Variants in CABCOCO1 observed in about 807,000 individuals in gnomAD.
CABCOCO1 encodes ciliary-associated calcium-binding coiled-coil protein 1.
Under a neutral mutation model 35.7 loss-of-function variants are expected in CABCOCO1, and 28 were observed. The ratio of observed to expected loss-of-function variants is 0.78; its 90% CI spans 0.58 to 1.07. CABCOCO1 has a LOEUF of 1.07. Ranked by LOEUF, CABCOCO1 falls within the 50% of genes least tolerant of loss-of-function variation. The probability of loss-of-function intolerance (pLI) is 0.00; values close to 1 mark genes in which losing one functional copy is unlikely to be tolerated. For missense variants in CABCOCO1, 326 were observed against 309.2 expected (o/e 1.05, Z -0.41); for synonymous variants, 95 against 100.1 (o/e 0.95, Z 0.30).
At chr10:61,737,060 T>C (rs568845459) in intron 5 of CABCOCO1, among the ~76,000 whole-genome samples, 209 of 152,272 alleles carry the variant, frequency 1.4e-3, no homozygotes, top group Non-Finnish European at 8.2e-4. Flanking sequence ...CTATGGGGTT[T>C]TATAGATAGA....
chr10:61,766,268 T>C lies in CABCOCO1; in HGVS notation c.*255T>C, dbSNP rs1246255510. 2 of 256,586 alleles carry C rather than the reference T, an allele frequency of 7.8e-6. No individual in the cohort carries two copies. The highest frequency in any genetic ancestry group is 5.1e-5 in the Admixed American group (1 of 19,764). The allele number at this position is 256,586 out of a possible 1,614,324, so 15.9% of individuals were successfully genotyped here. ...ATACAAGAGTTTGAAAAATTATATA[T>C]AAAAATACAATTACTTTTATGATAG... is the stretch of plus-strand genomic sequence containing the variant. On this transcript the variant is annotated 3_prime_UTR_variant, in exon 8 of 8. Coordinates refer to ENST00000648843, the MANE Select transcript of CABCOCO1 (RefSeq NM_001366906.2).
intron 2 of CABCOCO1, 21 bp from the exon 3 acceptor site, chr10:61,681,122 G>C: frequency 7.3e-7 from 1 of 1,369,432 alleles, no homozygotes; most frequent in East Asian, 2.6e-5. Context: ...TTAATATGTG[G>C]ATTTTTGTTT....
intron 5 of CABCOCO1, among the ~76,000 whole-genome samples, chr10:61,707,442 T>C (rs1350139013): frequency 6.6e-6 from 1 of 152,168 alleles, no homozygotes; most frequent in Non-Finnish European, 1.5e-5. Flanking sequence ...AATAATGTAC[T>C]ATCTGTTTAG....
chr10:61,664,739 G>T (rs139525869), intron 1 of CABCOCO1, among the ~76,000 whole-genome samples: 2 of 152,320 alleles, frequency 1.3e-5, no homozygotes, highest in African/African-American at 4.8e-5. Context: ...CAGAGTTTCT[G>T]TAGTTCATGG....
intron 5 of CABCOCO1, among the ~76,000 whole-genome samples, chr10:61,744,225 G>A (rs1841609371): frequency 1.3e-5 from 2 of 152,146 alleles, no homozygotes; most frequent in African/African-American, 4.8e-5. Context: ...AAGAGGGCAG[G>A]AGGAATGTTA....
At position 61,724,911 on chromosome 10, in the gene CABCOCO1, T is replaced by C. The variant is rs545497184; in HGVS notation, c.552+34290T>C. 2.6e-5 allele frequency among the ~76,000 whole-genome samples: 4 copies of C among 152,268 alleles called. No homozygotes were observed. In the East Asian group the frequency reaches 5.8e-4, roughly 22 times the overall value. On this transcript the variant is annotated intron_variant, in intron 5 of 7. Transcript: ENST00000648843. ...CACCAACATGGCACATGTATACATA[T>C]GTAACAAACCTGCATGTTGTGCACA...
chr10:61,715,027 T>C (rs879813491), intron 5 of CABCOCO1, among the ~76,000 whole-genome samples: 1 of 152,198 alleles, frequency 6.6e-6, no homozygotes, highest in African/African-American at 2.4e-5. Flanking sequence ...GTTTATTAGG[T>C]CTGCTTGGTG....
At chr10:61,711,425 C>A (rs1454667013) in intron 5 of CABCOCO1, among the ~76,000 whole-genome samples, 2 of 151,832 alleles carry the variant, frequency 1.3e-5, no homozygotes, top group Non-Finnish European at 2.9e-5. Context: ...GGCACCAAAT[C>A]ATCAAGAGGA....
chr10:61,726,004 G>A (rs923618390), intron 5 of CABCOCO1, among the ~76,000 whole-genome samples: 3 of 152,168 alleles, frequency 2.0e-5, no homozygotes, highest in Admixed American at 6.5e-5. Flanking sequence ...CAGCAACTTT[G>A]TATGTGATCC....
At chr10:61,691,860 A>C (rs904078526) in intron 5 of CABCOCO1, among the ~76,000 whole-genome samples, 1 of 152,136 alleles carries the variant, frequency 6.6e-6, no homozygotes, top group African/African-American at 2.4e-5. Flanking sequence ...TCCATGGTGT[A>C]TATGTGCCAC....
intron 5 of CABCOCO1, among the ~76,000 whole-genome samples, chr10:61,698,804 G>A (rs1840362104): frequency 1.3e-5 from 2 of 151,936 alleles, no homozygotes; most frequent in African/African-American, 4.8e-5. Flanking sequence ...TAAAGTTATA[G>A]TGTCCTGAAT....
intron 5 of CABCOCO1, among the ~76,000 whole-genome samples, chr10:61,730,002 G>A (rs191209153): frequency 1.1e-4 from 16 of 152,082 alleles, no homozygotes; most frequent in African/African-American, 1.7e-4. Context: ...GATCTCCTGC[G>A]CAACATTGTA....
At chr10:61,694,850 G>C (rs138166996) in intron 5 of CABCOCO1, among the ~76,000 whole-genome samples, 1 of 152,138 alleles carries the variant, frequency 6.6e-6, no homozygotes, top group African/African-American at 2.4e-5. Context: ...TAGCATGTTG[G>C]GTCTGCACAA....
intron 5 of CABCOCO1, among the ~76,000 whole-genome samples, chr10:61,735,230 A>G (rs909126013): frequency 1.3e-5 from 2 of 152,094 alleles, no homozygotes; most frequent in African/African-American, 4.8e-5. Context: ...AAGTCAAAAG[A>G]GAATGTGTGG....
Position 61,686,187 on chromosome 10 carries a change from T to C in CABCOCO1, c.479+2T>C. On this transcript the variant is annotated splice_donor_variant, in intron 4 of 7. Coordinates refer to ENST00000648843, the MANE Select transcript of CABCOCO1 (RefSeq NM_001366906.2). LOFTEE classifies it high-confidence loss of function. ...TATCATTGATTACTTAAAAATCAGG[T>C]ATGGATTATTTTCAGTAACATTTAT... The C allele has an allele frequency of 6.4e-7, 1 of 1,553,878 alleles. No individual in the cohort carries two copies. Among genetic ancestry groups the C allele is most frequent in the Non-Finnish European group, 8.6e-7 (1 of 1,156,620 alleles).
At chr10:61,756,750 GA>G (rs1157798454) in intron 5 of CABCOCO1, among the ~76,000 whole-genome samples, 2 of 152,008 alleles carry the variant, frequency 1.3e-5, no homozygotes, top group Non-Finnish European at 2.9e-5. Context: ...TTCCTGATCT[GA>G]AGATTATGGG....
intron 2 of CABCOCO1, among the ~76,000 whole-genome samples, chr10:61,672,943 C>T (rs1839404948): frequency 6.6e-6 from 1 of 152,156 alleles, no homozygotes; most frequent in African/African-American, 2.4e-5. Flanking sequence ...AAATACATTG[C>T]AAACCAACTT....
intron 1 of CABCOCO1, among the ~76,000 whole-genome samples, chr10:61,669,020 G>GGAAAAAAAAA (rs1455258314): frequency 9.8e-6 from 1 of 102,480 alleles, no homozygotes; most frequent in Non-Finnish European, 2.1e-5. Flanking sequence ...AAGGGTTGGG[G>GGAAAAAAAAA]AAAAAAAAAA....
intron 2 of CABCOCO1, among the ~76,000 whole-genome samples, chr10:61,676,972 G>T (rs185909772): frequency 6.5e-4 from 99 of 152,060 alleles, no homozygotes; most frequent in African/African-American, 2.3e-3. Context: ...GCTGAGACAG[G>T]AGAATGGCAT....
Sources: allele counts gnomAD v4.1 joint callset (sites outside exome capture counted in the v4.1 genomes callset), GRCh38; gene constraint gnomAD v4.1.1; transcripts MANE v1.5; gene names NCBI Gene and HGNC (gene_info 2026-07-23, HGNC 2026-07-21).